Variants in PCDHA3 observed in about 807,000 individuals in gnomAD.
The protein encoded by PCDHA3 is protocadherin alpha 3.
A neutral mutation model predicts 62.2 loss-of-function variants in PCDHA3; 41 were observed. The ratio of observed to expected loss-of-function variants is 0.66; its 90% CI spans 0.51 to 0.86. The LOEUF (loss-of-function observed/expected upper bound fraction) is 0.86, where lower values mean the gene tolerates loss of function less well. PCDHA3 is among the 40% of genes least tolerant of loss of function. The pLI, the probability that PCDHA3 is intolerant of heterozygous loss-of-function variation, is 0.00. For missense variants in PCDHA3, 1,304 were observed against 1,241.2 expected (o/e 1.05, Z -0.76); for synonymous variants, 640 against 555.4 (o/e 1.15, Z -2.14).
Position 140,871,448 on chromosome 5 carries a change from A to G in PCDHA3, c.2394+67857A>G, listed in dbSNP as rs2053088391. On this transcript the variant is annotated intron_variant, in intron 1 of 3. Transcript: ENST00000522353. ...AGTCTTCCTCTAGGTCTGAATAAAG[A>G]GGAGGAAGGGGAAAGACAGGAGCCA... 2 of 1,609,780 alleles carry G rather than the reference A, an allele frequency of 1.2e-6. No homozygotes were observed. Among genetic ancestry groups the G allele is most frequent in the African/African-American group, 2.7e-5 (2 of 74,984 alleles).
At chr5:140,830,309 G>C (rs2150184814) in intron 1 of PCDHA3, 1 of 1,613,974 alleles carries the variant, frequency 6.2e-7, no homozygotes. Flanking sequence ...GCCCACGCTG[G>C]TGTGCTCCAG....
In PCDHA3 at chr5:140,917,987, A is replaced by G. The variant is rs140618239; in HGVS notation, c.2395-60962A>G. 3.9e-3 allele frequency among the ~76,000 whole-genome samples: 598 copies of G among 152,198 alleles called. 2 individuals are homozygous for G. The highest frequency in any genetic ancestry group is 5.9e-3 in the Admixed American group (90 of 15,276). ...GAATCTGTGAATTGCTTTGGACAGT[A>G]TGGTTATCTTAACAATGTTGTTTCT... On this transcript the variant is annotated intron_variant, in intron 1 of 3. Coordinates refer to ENST00000522353, the MANE Select transcript of PCDHA3 (RefSeq NM_018906.3).
At position 140,846,681 on chromosome 5, in the gene PCDHA3, C is replaced by T. The variant is rs1425082989; in HGVS notation, c.2394+43090C>T. Reference sequence around the variant, plus strand: ...GAGCCACCGCGCCCAGCCTAAAATGCTTTCTTAGCAAGTAGAGAAGATTGT... The same window carrying T: ...GAGCCACCGCGCCCAGCCTAAAATGTTTTCTTAGCAAGTAGAGAAGATTGT... On this transcript the variant is annotated intron_variant, in intron 1 of 3. Coordinates refer to ENST00000522353, the MANE Select transcript of PCDHA3 (RefSeq NM_018906.3). Among the ~76,000 whole-genome samples, 2 of 149,174 alleles carry T rather than the reference C, an allele frequency of 1.3e-5. 1 individual carries two copies. The highest frequency in any genetic ancestry group is 1.3e-4 in the Admixed American group (2 of 14,874).
chr5:140,869,484 C>A, intron 1 of PCDHA3: 2 of 1,613,948 alleles, frequency 1.2e-6, no homozygotes, highest in Non-Finnish European at 1.7e-6. Flanking sequence ...AGGACATTAA[C>A]GACAACCCGC....
At chr5:140,878,110 A>T in intron 1 of PCDHA3, 1 of 249,264 alleles carries the variant, frequency 4.0e-6, no homozygotes, top group South Asian at 1.2e-4. Context: ...CTTGAAAAAA[A>T]CAGTATATTA....
intron 1 of PCDHA3, chr5:140,876,527 T>C (rs2056400042): frequency 6.2e-6 from 10 of 1,614,112 alleles, no homozygotes; most frequent in Non-Finnish European, 7.6e-6. Context: ...GAAGTAATGG[T>C]TACTTCACTG....
chr5:140,815,646 A>G (rs1765773592), intron 1 of PCDHA3: 1 of 152,016 alleles, frequency 6.6e-6, no homozygotes, highest in South Asian at 2.1e-4. Context: ...TTCTGTTTTT[A>G]TCTATATATT....
intron 1 of PCDHA3, among the ~76,000 whole-genome samples, chr5:140,881,806 C>G (rs545752672): frequency 1.3e-5 from 2 of 152,238 alleles, no homozygotes; most frequent in African/African-American, 4.8e-5. Context: ...AAACGAGTGT[C>G]GAATATTCTT....
intron 1 of PCDHA3, among the ~76,000 whole-genome samples, chr5:140,817,989 A>G (rs1766253634): frequency 1.3e-5 from 2 of 152,092 alleles, no homozygotes; most frequent in African/African-American, 4.8e-5. Context: ...TACTTTGTAT[A>G]CTTACTCTGT....
intron 1 of PCDHA3, among the ~76,000 whole-genome samples, chr5:140,886,142 TA>T (rs1473876165): frequency 6.6e-6 from 1 of 152,180 alleles, no homozygotes; most frequent in African/African-American, 2.4e-5. Flanking sequence ...AGATTCTTGA[TA>T]TCACCTTTTT....
At position 140,871,554 on chromosome 5, in the gene PCDHA3, T is replaced by G. The variant is rs1554165730; in HGVS notation, c.2394+67963T>G. On this transcript the variant is annotated intron_variant, in intron 1 of 3. Transcript: ENST00000522353. The stretch of plus-strand genomic sequence containing the variant: ...GTATGTGAAATTATTTAAAATCCAG[T>G]TTTTTTTCACGGATTTTTTAAGGGA... 18 of 1,487,284 alleles carry G rather than the reference T, an allele frequency of 1.2e-5. 1 individual carries two copies. The highest frequency in any genetic ancestry group is 1.8e-4 in the Middle Eastern group (1 of 5,534). The allele number at this position is 1,487,284 out of a possible 1,614,324, so 92.1% of individuals were successfully genotyped here.
At chr5:140,941,973 C>T (rs1249999637) in intron 1 of PCDHA3, among the ~76,000 whole-genome samples, 4 of 152,068 alleles carry the variant, frequency 2.6e-5, no homozygotes, top group Admixed American at 1.3e-4. Context: ...TTTACTTTCC[C>T]TAAACCTTGA....
intron 3 of PCDHA3, among the ~76,000 whole-genome samples, chr5:140,994,425 G>A (rs769335292): frequency 5.3e-5 from 8 of 152,118 alleles, no homozygotes; most frequent in African/African-American, 1.7e-4. Context: ...TATTGAGGCC[G>A]GGCGCAGTGG....
intron 1 of PCDHA3, chr5:140,927,767 A>G (rs2084615997): frequency 6.2e-7 from 1 of 1,614,176 alleles, no homozygotes. Context: ...AAAAGTGGGG[A>G]GGTGCAAGTA....
intron 1 of PCDHA3, chr5:140,823,639 C>G (rs1207505503): frequency 6.2e-7 from 1 of 1,613,894 alleles, no homozygotes; most frequent in South Asian, 1.1e-5. Context: ...CATCCCGTTC[C>G]GCGTGGGGCT....
chr5:140,887,335 A>G (rs1360547523), intron 1 of PCDHA3, among the ~76,000 whole-genome samples: 1 of 152,102 alleles, frequency 6.6e-6, no homozygotes, highest in African/African-American at 2.4e-5. Flanking sequence ...TGACCTCGTG[A>G]TCCACCTGGC....
At chr5:141,006,238 G>T (rs1298883912) in intron 3 of PCDHA3, among the ~76,000 whole-genome samples, 1 of 151,428 alleles carries the variant, frequency 6.6e-6, no homozygotes, top group East Asian at 1.9e-4. Flanking sequence ...TTTAGATGGA[G>T]TCTTGCTCTG....
At chr5:140,850,403 C>T (rs1554144277) in intron 1 of PCDHA3, 5 of 1,597,838 alleles carry the variant, frequency 3.1e-6, no homozygotes, top group African/African-American at 2.7e-5. Flanking sequence ...CAACGCGTGC[C>T]CTGGACGAAA....
chr5:140,921,151 ATTT>A (rs11299094), intron 1 of PCDHA3, among the ~76,000 whole-genome samples: 3 of 151,512 alleles, frequency 2.0e-5, no homozygotes, highest in South Asian at 2.1e-4. Context: ...CAGCTAATGC[ATTT>A]TTTTTTTAAC....
Sources: allele counts gnomAD v4.1 joint callset (sites outside exome capture counted in the v4.1 genomes callset), GRCh38; gene constraint gnomAD v4.1.1; transcripts MANE v1.5; gene names NCBI Gene and HGNC (gene_info 2026-07-23, HGNC 2026-07-21).